FSTL4: variants seen among roughly 807,000 people sequenced by gnomAD.
The protein encoded by FSTL4 is follistatin like 4.
A neutral mutation model predicts 78.2 loss-of-function variants in FSTL4; 28 were observed. The observed-to-expected ratio is 0.36, with a 90% CI of 0.27 to 0.49. The LOEUF (loss-of-function observed/expected upper bound fraction) is 0.49. Among genes scored for constraint, FSTL4 ranks in the 20% least tolerant of loss-of-function variants. FSTL4 has a pLI of 0.98. For missense variants in FSTL4, 922 were observed against 1,084.9 expected, an observed-to-expected ratio of 0.85 and a Z score of 2.11; for synonymous variants, 422 against 440.5, an observed-to-expected ratio of 0.96 and a Z score of 0.53.
At chr5:133,559,527 C>CTGTCTTT (rs1282476146) in intron 3 of FSTL4, among the ~76,000 whole-genome samples, 1 of 152,212 alleles carries the variant, frequency 6.6e-6, no homozygotes, top group Non-Finnish European at 1.5e-5. Flanking sequence ...TGACACCATC[C>CTGTCTTT]TGTCTTTTGG....
chr5:133,327,988 G>T (rs190816803), intron 4 of FSTL4, among the ~76,000 whole-genome samples: 1 of 152,336 alleles, frequency 6.6e-6, no homozygotes, highest in Admixed American at 6.5e-5. Context: ...TTTCCATCTG[G>T]TCTTTTCCCT....
At chr5:133,653,522 G>T in the FSTL4 span, among the ~76,000 whole-genome samples, 1 of 152,122 alleles carries the variant, frequency 6.6e-6, no homozygotes, top group Non-Finnish European at 1.5e-5. Flanking sequence ...TCCCGCTGAG[G>T]ATTAACTGTT....
At chr5:133,310,772 G>A (rs1561666419) in intron 6 of FSTL4, among the ~76,000 whole-genome samples, 1 of 152,212 alleles carries the variant, frequency 6.6e-6, no homozygotes, top group Non-Finnish European at 1.5e-5. Flanking sequence ...GGCTCAGAGA[G>A]TGTTTTTGGG....
the FSTL4 span, among the ~76,000 whole-genome samples, chr5:133,716,573 T>C: frequency 2.0e-5 from 3 of 152,208 alleles, no homozygotes; most frequent in African/African-American, 7.2e-5. Flanking sequence ...TATTAACTTT[T>C]GTCATTTAAT....
chr5:133,498,725 A>C (rs986368631), intron 3 of FSTL4, among the ~76,000 whole-genome samples: 5 of 152,074 alleles, frequency 3.3e-5, no homozygotes, highest in African/African-American at 9.7e-5. Flanking sequence ...CTCCAAAAAA[A>C]AAAAAAGGAT....
In FSTL4 at chr5:133,535,896, G is replaced by A. The variant is rs192749911; in HGVS notation, c.160+31290C>T. The stretch of plus-strand genomic sequence containing the variant: ...AAACATTCTCATACTAATGAGTGTC[G>A]TCGTTTTGTGTCATAATAGTGCATA... On this transcript the variant is annotated intron_variant, in intron 3 of 15. Coordinates refer to ENST00000265342, the MANE Select transcript of FSTL4 (RefSeq NM_015082.2). Among the ~76,000 whole-genome samples, 638 of 152,284 alleles carry A rather than the reference G, an allele frequency of 4.2e-3. 3 individuals carry two copies. The highest frequency in any genetic ancestry group is 7.6e-3 in the Non-Finnish European group (516 of 68,020).
intron 4 of FSTL4, among the ~76,000 whole-genome samples, chr5:133,383,712 T>C (rs1755632303): frequency 1.3e-5 from 2 of 152,102 alleles, no homozygotes; most frequent in African/African-American, 4.8e-5. Flanking sequence ...TTTCCAGGAG[T>C]AACTAGGCTC....
intron 13 of FSTL4, among the ~76,000 whole-genome samples, chr5:133,214,428 T>C (rs1238523842): frequency 2.6e-5 from 4 of 152,224 alleles, no homozygotes; most frequent in East Asian, 1.9e-4. Flanking sequence ...TTTCTTCATA[T>C]AACAAGCCTT....
At position 133,443,537 on chromosome 5, in the gene FSTL4, T is replaced by C. The variant is rs75537330; in HGVS notation, c.161-42551A>G. ...AAAGGGGAAATACTGAGCTTTTACC[T>C]AACGTGGCTGCTTTTTAGATGATGT... On this transcript the variant is annotated intron_variant, in intron 3 of 15. Coordinates refer to ENST00000265342, the MANE Select transcript of FSTL4 (RefSeq NM_015082.2). 1.8e-4 allele frequency among the ~76,000 whole-genome samples: 27 copies of C among 152,334 alleles called. No homozygotes were observed. The East Asian group carries it at 5.2e-3, about 29-fold the overall frequency.
At chr5:133,483,348 G>A (rs1758067126) in intron 3 of FSTL4, among the ~76,000 whole-genome samples, 2 of 152,188 alleles carry the variant, frequency 1.3e-5, no homozygotes, top group South Asian at 2.1e-4. Flanking sequence ...CCAGCAAAGG[G>A]CATGTGACAG....
chr5:133,268,876 A>G (rs895643440), intron 6 of FSTL4, among the ~76,000 whole-genome samples: 5 of 152,154 alleles, frequency 3.3e-5, no homozygotes, highest in Non-Finnish European at 7.3e-5. Context: ...TTTGGTTTCA[A>G]ATAGAATTTG....
At chr5:133,650,433 C>T in the FSTL4 span, among the ~76,000 whole-genome samples, 5 of 152,094 alleles carry the variant, frequency 3.3e-5, no homozygotes, top group Non-Finnish European at 7.4e-5. Context: ...TATAAATTTG[C>T]ATTTTAAATG....
At chr5:133,637,977 T>A in the FSTL4 span, among the ~76,000 whole-genome samples, 2 of 138,352 alleles carry the variant, frequency 1.4e-5, no homozygotes, top group Middle Eastern at 3.8e-3. Context: ...ATAATAATAA[T>A]AAATTAATTA....
At chr5:133,278,771 G>A (rs62374535) in intron 6 of FSTL4, among the ~76,000 whole-genome samples, 4,084 of 152,312 alleles carry the variant, frequency 0.027, 93 homozygotes, top group Non-Finnish European at 0.034. Context: ...AACGCCAGCC[G>A]CTTCCTCACA....
the FSTL4 span, among the ~76,000 whole-genome samples, chr5:133,828,059 C>A: frequency 6.6e-6 from 1 of 152,146 alleles, no homozygotes; most frequent in East Asian, 1.9e-4. Context: ...AACTCCACCC[C>A]GGTGGACACA....
At chr5:133,472,930 C>A (rs1343275445) in intron 3 of FSTL4, among the ~76,000 whole-genome samples, 1 of 152,214 alleles carries the variant, frequency 6.6e-6, no homozygotes, top group Non-Finnish European at 1.5e-5. Context: ...CCACTGTGCC[C>A]TGACTCTTGT....
chr5:133,433,943 G>A (rs760215261), intron 3 of FSTL4, among the ~76,000 whole-genome samples: 18 of 152,044 alleles, frequency 1.2e-4, no homozygotes, highest in Non-Finnish European at 1.8e-4. Flanking sequence ...AGGGGCCTCC[G>A]AGCCATGGCA....
At position 133,426,591 on chromosome 5, in the gene FSTL4, C is replaced by T. The variant is rs189407524; in HGVS notation, c.161-25605G>A. ...CCGTGGGTTGGGGAATGATCAATGCCGGCATTGTGCATTCTGGCAGGGTGG... is the reference window on the plus strand; with the variant it reads ...CCGTGGGTTGGGGAATGATCAATGCTGGCATTGTGCATTCTGGCAGGGTGG... On this transcript the variant is annotated intron_variant, in intron 3 of 15. Coordinates refer to ENST00000265342, the MANE Select transcript of FSTL4 (RefSeq NM_015082.2). The surrounding 1 kb of genome is among the most constrained non-coding windows in gnomAD (Gnocchi z 5.0). Among the ~76,000 whole-genome samples the T allele has an allele frequency of 7.2e-5, 11 of 152,070 alleles. No individual in the cohort carries two copies. The highest frequency in any genetic ancestry group is 1.2e-4 in the Non-Finnish European group (8 of 68,020).
intron 4 of FSTL4, among the ~76,000 whole-genome samples, chr5:133,327,683 G>A (rs764525027): frequency 5.3e-5 from 8 of 152,210 alleles, no homozygotes; most frequent in Non-Finnish European, 1.0e-4. Flanking sequence ...AGGGCTTCAG[G>A]GGGAGGAGGG....
Sources: gnomAD v4.1 joint callset for allele counts (sites outside exome capture counted in the v4.1 genomes callset) on GRCh38, gnomAD v4.1.1 for gene constraint, Gnocchi (gnomAD v3.1) non-coding constraint, MANE v1.5 for transcripts, NCBI Gene and HGNC (gene_info 2026-07-23, HGNC 2026-07-21) for gene names.